The following ARFGEF2 variants were observed in gnomAD, a reference collection of about 807,000 sequenced individuals.
The protein encoded by ARFGEF2 is ARF guanine nucleotide exchange factor 2.
A neutral mutation model predicts 219.9 loss-of-function variants in ARFGEF2; 74 were observed. The ratio of observed to expected loss-of-function variants is 0.34; its 90% confidence interval spans 0.28 to 0.41. ARFGEF2 has a LOEUF of 0.41. Among genes scored for constraint, ARFGEF2 ranks in the 10% least tolerant of loss-of-function variants. The pLI, the probability that ARFGEF2 is intolerant of heterozygous loss-of-function variation, is 1.00. For synonymous variants in ARFGEF2, 733 were observed against 799.2 expected, an observed-to-expected ratio of 0.92 and a Z score of 1.40; for missense variants, 1,743 against 2,218.3, an observed-to-expected ratio of 0.79 and a Z score of 4.30.
Position 49,033,138 on chromosome 20 carries a change from A to G in ARFGEF2, c.5297A>G (p.Tyr1766Cys). The change falls in exon 39 of 39, where the codon TAT becomes TGT. Residue 1766 changes from tyrosine (Y) to cysteine (C), a missense_variant. Tyr to Cys is a radical substitution (Grantham distance 194, BLOSUM62 -2). Coordinates refer to ENST00000371917, the MANE Select transcript of ARFGEF2 (RefSeq NM_006420.3). ...RKFFLRIGVVYKIWIPEEPSQ... is the reference protein window; with the variant it reads ...RKFFLRIGVVCKIWIPEEPSQ... ...TTCTTCCTACGGATAGGTGTTGTGTATAAGATATGGATACCAGAAGAGCCA... is the reference window on the plus strand; with the variant it reads ...TTCTTCCTACGGATAGGTGTTGTGTGTAAGATATGGATACCAGAAGAGCCA... The G allele has an allele frequency of 6.2e-7, 1 of 1,614,240 alleles. No individual in the cohort carries two copies. The highest frequency in any genetic ancestry group is 8.5e-7 in the Non-Finnish European group (1 of 1,180,038).
At chr20:49,001,142 C>T (rs1044561776) in intron 25 of ARFGEF2, among the ~76,000 whole-genome samples, 2 of 148,556 alleles carry the variant, frequency 1.3e-5, no homozygotes, top group Admixed American at 6.8e-5. Context: ...CTCATTGCAA[C>T]CTCTGCCTTC....
At chr20:48,995,762 A>G (rs1250606189) in intron 22 of ARFGEF2, 21 bp from the exon 23 acceptor site, 2 of 1,608,850 alleles carry the variant, frequency 1.2e-6, no homozygotes, top group Admixed American at 1.7e-5. Context: ...AGTACTGCTG[A>G]TTTTGTGCAT....
chr20:49,012,472 G>GT (rs1273916693), intron 28 of ARFGEF2, among the ~76,000 whole-genome samples: 1 of 150,632 alleles, frequency 6.6e-6, no homozygotes, highest in Non-Finnish European at 1.5e-5. Context: ...ATCACCTTTT[G>GT]TTTTCTCCTG....
chr20:48,984,968 G>T (rs954213295), intron 15 of ARFGEF2, 128 bp downstream of exon 15: 5 of 1,530,122 alleles, frequency 3.3e-6, no homozygotes, highest in Admixed American at 3.9e-5. Flanking sequence ...GTTATACATT[G>T]TCTATTGTCC....
In ARFGEF2 at chr20:48,972,362, A is replaced by G. The variant is rs1281713053; in HGVS notation, c.1462A>G (p.Thr488Ala). 5 of 1,613,998 alleles carry G rather than the reference A, an allele frequency of 3.1e-6. No homozygotes were observed. In the African/African-American group the frequency reaches 6.7e-5, roughly 22 times the overall value. The change falls in exon 11 of 39, where the codon ACA becomes GCA. Residue 488 changes from threonine to alanine, a missense_variant. Physicochemically the swap from Thr to Ala is moderately conservative, Grantham distance 58 (BLOSUM62 0). Around this residue, in one of 5 missense-constraint regions of ARFGEF2, gnomAD observed 666 missense variants for 955.4 expected, o/e 0.70. Coordinates refer to ENST00000371917, the MANE Select transcript of ARFGEF2 (RefSeq NM_006420.3). ...AGAGATTTTCCTGAACATTTTAGAA[A>G]CATCAACAAGTTCTTTTGAGCACAG... is the stretch of plus-strand genomic sequence containing the variant. ...FKEIFLNILE[T>A]STSSFEHRWM...
chr20:48,955,553 A>G (rs2091100685), intron 6 of ARFGEF2, among the ~76,000 whole-genome samples: 1 of 152,240 alleles, frequency 6.6e-6, no homozygotes, highest in African/African-American at 2.4e-5. Flanking sequence ...GAATGGGGAA[A>G]AAACGTTATT....
intron 1 of ARFGEF2, among the ~76,000 whole-genome samples, chr20:48,938,242 A>G (rs1455832208): frequency 6.6e-6 from 1 of 152,146 alleles, no homozygotes; most frequent in Non-Finnish European, 1.5e-5. Context: ...CTTATAGAAA[A>G]CTTGATGTTT....
Position 48,989,438 on chromosome 20 carries a change from T to C in ARFGEF2, c.2685+2T>C. ...GACCATGTCCGGCCAATGTTCAAAG[T>C]GAGTATCCTGAGAACTTAGCAAGCA... On this transcript the variant is annotated splice_donor_variant, in intron 19 of 38. Transcript: ENST00000371917. LOFTEE classifies it high-confidence loss of function. 6.2e-7 allele frequency: 1 copy of C among 1,614,206 alleles called. No individual in the cohort carries two copies. The highest frequency in any genetic ancestry group is 8.5e-7 in the Non-Finnish European group (1 of 1,180,042).
chr20:48,953,839 A>G, intron 6 of ARFGEF2, 49 bp downstream of exon 6: 1 of 1,551,896 alleles, frequency 6.4e-7, no homozygotes, highest in Non-Finnish European at 8.9e-7. Context: ...AGAGGGAATC[A>G]GCCTGTGAGG....
At chr20:48,969,088 G>C in intron 8 of ARFGEF2, 59 bp from the exon 9 acceptor site, 2 of 1,579,474 alleles carry the variant, frequency 1.3e-6, no homozygotes, top group Non-Finnish European at 1.7e-6. Context: ...AGCCTCTGGA[G>C]TAGCTGGGAC....
chr20:48,929,104 C>T (rs1406409164), intron 1 of ARFGEF2, among the ~76,000 whole-genome samples: 1 of 152,186 alleles, frequency 6.6e-6, no homozygotes, highest in Non-Finnish European at 1.5e-5. Flanking sequence ...TTTCACCAGG[C>T]TTAGGGGGCC....
At chr20:48,922,326 C>T (rs944963399) in intron 1 of ARFGEF2, among the ~76,000 whole-genome samples, 2 of 152,240 alleles carry the variant, frequency 1.3e-5, no homozygotes, top group Admixed American at 6.5e-5. Flanking sequence ...GAAACAGTAG[C>T]CCTTGCCCCA....
chr20:48,968,713 T>G (rs2091206628), intron 8 of ARFGEF2, among the ~76,000 whole-genome samples: 1 of 152,210 alleles, frequency 6.6e-6, no homozygotes. Flanking sequence ...CTAGTATAAT[T>G]ACCTGTATTA....
At chr20:48,948,724 GTCA>G (rs1467492231) in intron 3 of ARFGEF2, among the ~76,000 whole-genome samples, 1 of 152,120 alleles carries the variant, frequency 6.6e-6, no homozygotes, top group African/African-American at 2.4e-5. Flanking sequence ...GTATTATATT[GTCA>G]TCATCTTCCC....
intron 11 of ARFGEF2, 36 bp from the exon 12 acceptor site, chr20:48,973,109 A>G (rs763056318): frequency 1.4e-5 from 23 of 1,613,494 alleles, no homozygotes; most frequent in Middle Eastern, 3.3e-4. Flanking sequence ...CTGCTATTTG[A>G]TCAGAATTTC....
At position 48,991,026 on chromosome 20, in the gene ARFGEF2, G is replaced by C. The variant is rs1251412984; in HGVS notation, c.2815-14G>C. The C allele has an allele frequency of 6.2e-7, 1 of 1,612,898 alleles. No homozygotes were observed. The highest frequency in any genetic ancestry group is 1.3e-5 in the African/African-American group (1 of 75,010). On this transcript the variant is annotated splice_polypyrimidine_tract_variant and intron_variant, in intron 20 of 38. Coordinates refer to ENST00000371917, the MANE Select transcript of ARFGEF2 (RefSeq NM_006420.3). ...GTTGGAGTCACAGTGTTCTCTCTTG[G>C]GTTTCTGTTACAGCTGGAACGAGAT...
chr20:49,008,728 T>G (rs1213992829), intron 26 of ARFGEF2, among the ~76,000 whole-genome samples: 1 of 149,118 alleles, frequency 6.7e-6, no homozygotes, highest in African/African-American at 2.5e-5. Flanking sequence ...TTTTTTTTTT[T>G]GAGATGTCTT....
chr20:48,950,497 T>C (rs1404692575), intron 3 of ARFGEF2, among the ~76,000 whole-genome samples: 1 of 151,902 alleles, frequency 6.6e-6, no homozygotes, highest in Non-Finnish European at 1.5e-5. Context: ...AATTCATCCA[T>C]TTAAAGTGTA....
intron 14 of ARFGEF2, among the ~76,000 whole-genome samples, chr20:48,982,393 C>T (rs886303358): frequency 6.6e-6 from 1 of 152,160 alleles, no homozygotes; most frequent in African/African-American, 2.4e-5. Context: ...CAGAGGGGCA[C>T]CCGCCTGTAT....
Sources: allele counts gnomAD v4.1 joint callset (sites outside exome capture counted in the v4.1 genomes callset), GRCh38; gene constraint gnomAD v4.1.1; regional missense constraint gnomAD v4.1.1; transcripts MANE v1.5; gene names NCBI Gene and HGNC (gene_info 2026-07-23, HGNC 2026-07-21).